Variants in BMERB1 observed in about 807,000 individuals in gnomAD.
BMERB1 encodes the protein bMERB domain containing 1, also known as bMERB domain-containing protein 1.
BMERB1 carries 12 observed loss-of-function variants against 23.6 expected under a neutral mutation model. The ratio of observed to expected loss-of-function variants is 0.51; its 90% confidence interval spans 0.33 to 0.82. The LOEUF (loss-of-function observed/expected upper bound fraction) is 0.82, where lower values mean the gene tolerates loss of function less well. BMERB1 is among the 40% of genes least tolerant of loss of function. The probability of loss-of-function intolerance (pLI) is 0.03; values close to 1 mark genes in which losing one functional copy is unlikely to be tolerated. For missense variants in BMERB1, 247 were observed against 255.4 expected, an observed-to-expected ratio of 0.97 and a Z score of 0.22; for synonymous variants, 122 against 96.6, an observed-to-expected ratio of 1.26 and a Z score of -1.54.
chr16:15,522,638 T>G (rs113987567), intron 2 of BMERB1, among the ~76,000 whole-genome samples: 2,767 of 152,302 alleles, frequency 0.018, 90 homozygotes, highest in African/African-American at 0.064. Context: ...CTCTTGCCCA[T>G]GGTTGTACAG....
At chr16:15,499,363 A>C (rs1291548754) in intron 1 of BMERB1, among the ~76,000 whole-genome samples, 1 of 151,808 alleles carries the variant, frequency 6.6e-6, no homozygotes, top group Non-Finnish European at 1.5e-5. Flanking sequence ...ACACCACTGC[A>C]CTCCAGCCTG....
chr16:15,546,365 AT>A (rs1567493374), intron 2 of BMERB1, among the ~76,000 whole-genome samples: 3 of 152,230 alleles, frequency 2.0e-5, no homozygotes, highest in South Asian at 2.1e-4. Flanking sequence ...GAGTCCTGCT[AT>A]CTGCAGGATT....
At chr16:15,479,114 A>G (rs2051297725) in intron 1 of BMERB1, among the ~76,000 whole-genome samples, 1 of 152,222 alleles carries the variant, frequency 6.6e-6, no homozygotes, top group Non-Finnish European at 1.5e-5. Flanking sequence ...CACTTCAAGG[A>G]AAACAACTGA....
chr16:15,486,368 A>G (rs1013810628), intron 1 of BMERB1, among the ~76,000 whole-genome samples: 1 of 152,180 alleles, frequency 6.6e-6, no homozygotes, highest in Non-Finnish European at 1.5e-5. Context: ...ACTGGAATTC[A>G]GGAAGGGGAT....
intron 1 of BMERB1, among the ~76,000 whole-genome samples, chr16:15,513,819 G>C (rs1351334561): frequency 6.6e-6 from 1 of 151,932 alleles, no homozygotes; most frequent in Non-Finnish European, 1.5e-5. Context: ...ACTCGAACCC[G>C]GGAGGTGAAG....
intron 1 of BMERB1, among the ~76,000 whole-genome samples, chr16:15,463,820 T>C (rs541084957): frequency 2.0e-5 from 3 of 151,590 alleles, no homozygotes; most frequent in East Asian, 3.9e-4. Context: ...GACTTTCCAA[T>C]GTTGGGATGC....
At chr16:15,466,296 T>G (rs529343554) in intron 1 of BMERB1, among the ~76,000 whole-genome samples, 2 of 152,324 alleles carry the variant, frequency 1.3e-5, no homozygotes, top group Non-Finnish European at 2.9e-5. Flanking sequence ...TGTAAAGTAG[T>G]ATTTCATTGT....
intron 1 of BMERB1, among the ~76,000 whole-genome samples, chr16:15,463,742 A>C (rs1244256257): frequency 6.6e-6 from 1 of 151,424 alleles, no homozygotes; most frequent in African/African-American, 2.4e-5. Flanking sequence ...CCCCATCCCC[A>C]CCCCAGCTCC....
At chr16:15,495,925 G>C (rs563592621) in intron 1 of BMERB1, among the ~76,000 whole-genome samples, 1 of 152,130 alleles carries the variant, frequency 6.6e-6, no homozygotes, top group African/African-American at 2.4e-5. Context: ...GGAATTCTGA[G>C]TTTGGCTGCT....
intron 1 of BMERB1, among the ~76,000 whole-genome samples, chr16:15,506,667 C>T (rs2051595531): frequency 6.6e-6 from 1 of 151,760 alleles, no homozygotes; most frequent in African/African-American, 2.4e-5. Flanking sequence ...TGACCAGATT[C>T]TCTTCCTTAC....
chr16:15,501,097 T>C (rs771475398), intron 1 of BMERB1, among the ~76,000 whole-genome samples: 1 of 152,206 alleles, frequency 6.6e-6, no homozygotes, highest in Non-Finnish European at 1.5e-5. Context: ...TCTATTGGAT[T>C]AAATAAAATA....
chr16:15,530,149 T>C (rs866335360), intron 2 of BMERB1, among the ~76,000 whole-genome samples: 2 of 152,342 alleles, frequency 1.3e-5, no homozygotes, highest in South Asian at 2.1e-4. Flanking sequence ...GCCTTTGCTC[T>C]TCTGTGTCAA....
intron 1 of BMERB1, among the ~76,000 whole-genome samples, chr16:15,509,301 G>A (rs1047508163): frequency 7.6e-6 from 1 of 131,016 alleles, no homozygotes; most frequent in Non-Finnish European, 1.6e-5. Context: ...GGATTACGTG[G>A]TTAAGGTCAC....
intron 1 of BMERB1, among the ~76,000 whole-genome samples, chr16:15,461,957 C>A (rs1004676905): frequency 6.6e-6 from 1 of 152,038 alleles, no homozygotes; most frequent in South Asian, 2.1e-4. Flanking sequence ...ACAACAACAA[C>A]AGCAGCAGCA....
intron 4 of BMERB1, 149 bp from the exon 5 acceptor site, chr16:15,583,007 T>C: frequency 1.5e-6 from 1 of 680,068 alleles, no homozygotes; most frequent in South Asian, 1.6e-5. Context: ...AGATACAACA[T>C]ATACATACTG....
chr16:15,545,632 A>C (rs1227704745), intron 2 of BMERB1, among the ~76,000 whole-genome samples: 9 of 152,190 alleles, frequency 5.9e-5, no homozygotes. Flanking sequence ...GAGACTGGCC[A>C]CAGGACCAAT....
intron 2 of BMERB1, among the ~76,000 whole-genome samples, chr16:15,521,539 C>G (rs536209930): frequency 6.6e-6 from 1 of 152,296 alleles, no homozygotes; most frequent in South Asian, 2.1e-4. Context: ...TGCCCTGAAT[C>G]AGGCCCAGGA....
intron 2 of BMERB1, among the ~76,000 whole-genome samples, chr16:15,518,132 A>C (rs546630255): frequency 6.6e-6 from 1 of 152,312 alleles, no homozygotes; most frequent in African/African-American, 2.4e-5. Flanking sequence ...GCATTTCTTA[A>C]GAGGCAGCTC....
Position 15,587,500 on chromosome 16 carries a change from C to A in BMERB1, c.*671C>A. The A allele has an allele frequency of 2.3e-6, 1 of 443,884 alleles. No individual in the cohort carries two copies. The allele number at this position is 443,884 out of a possible 1,614,324, so 27.5% of individuals were successfully genotyped here. ...CAGCGTCCATTGTGCTCTCAGTCTG[C>A]CTCAGGTGTGTGCCTGGAGGGGGCC... On this transcript the variant is annotated 3_prime_UTR_variant, in exon 6 of 6. Transcript: ENST00000300006.
Sources: gnomAD v4.1 joint callset for allele counts (sites outside exome capture counted in the v4.1 genomes callset) on GRCh38, gnomAD v4.1.1 for gene constraint, MANE v1.5 for transcripts, NCBI Gene and HGNC (gene_info 2026-07-23, HGNC 2026-07-21) for gene names.